The following PDE4D variants were observed in gnomAD, a reference collection of about 807,000 sequenced individuals.
PDE4D encodes the protein 3',5'-cyclic-AMP phosphodiesterase 4D.
Under a neutral mutation model 87.4 loss-of-function variants are expected in PDE4D, and 24 were observed. That is an observed-to-expected ratio of 0.27 (90% CI 0.20 to 0.39). The LOEUF (loss-of-function observed/expected upper bound fraction) is 0.39, where lower values mean the gene tolerates loss of function less well. Ranked by LOEUF, PDE4D falls within the 10% of genes least tolerant of loss-of-function variation. The pLI, the probability that PDE4D is intolerant of heterozygous loss-of-function variation, is 1.00. For synonymous variants in PDE4D, 384 were observed against 383.2 expected (o/e 1.00, Z -0.02); for missense variants, 714 against 1,041.0 (o/e 0.69, Z 4.32).
intron 6 of PDE4D, among the ~76,000 whole-genome samples, chr5:59,038,076 A>G (rs950130180): frequency 6.6e-6 from 1 of 152,230 alleles, no homozygotes; most frequent in African/African-American, 2.4e-5. Context: ...ATCTCCTTGC[A>G]TAACTAAAGA....
chr5:59,378,494 C>T (rs762332125), intron 1 of PDE4D, among the ~76,000 whole-genome samples: 2 of 152,142 alleles, frequency 1.3e-5, no homozygotes, highest in African/African-American at 2.4e-5. Flanking sequence ...AGTCCTCCAT[C>T]TCCTAGGTTC....
At chr5:59,171,029 G>T (rs572420348) in intron 5 of PDE4D, among the ~76,000 whole-genome samples, 1 of 151,860 alleles carries the variant, frequency 6.6e-6, no homozygotes, top group South Asian at 2.1e-4. Context: ...TTACAAGCAC[G>T]TGCCACCACG....
intron 1 of PDE4D, among the ~76,000 whole-genome samples, chr5:59,366,285 T>C (rs568622079): frequency 2.0e-5 from 3 of 152,310 alleles, no homozygotes; most frequent in Admixed American, 6.5e-5. Flanking sequence ...TTTTGAAGGG[T>C]GGACTTTGTA....
rs553072372 is a variant in PDE4D, at chr5:59,638,149, GA to G, written c.455+255018del. ...TGACAAAGAAAGTAAAGTGATTTGA[GA>G]AGGGATTAGGTCTAATCAGTTGGGT... On this transcript the variant is annotated intron_variant, in intron 1 of 14. Coordinates refer to ENST00000340635, the MANE Select transcript of PDE4D (RefSeq NM_001104631.2). Among the ~76,000 whole-genome samples the G allele has an allele frequency of 3.3e-5, 5 of 152,296 alleles. No homozygotes were observed. In the East Asian group the frequency reaches 9.7e-4, roughly 29 times the overall value.
At chr5:60,449,638 T>TAAA (rs1301315895) in intron 1 of PDE4D, among the ~76,000 whole-genome samples, 5 of 150,296 alleles carry the variant, frequency 3.3e-5, no homozygotes, top group African/African-American at 9.8e-5. Flanking sequence ...AAACTTAAAG[T>TAAA]ATAATAATAA....
intron 1 of PDE4D, among the ~76,000 whole-genome samples, chr5:59,375,736 A>C (rs989100740): frequency 1.1e-4 from 16 of 152,178 alleles, no homozygotes; most frequent in Non-Finnish European, 2.2e-4. Flanking sequence ...ATATAACAAA[A>C]ATTTAAAACT....
rs567067176 is a variant in PDE4D, at chr5:59,146,343, C to T, written c.808+34252G>A. On this transcript the variant is annotated intron_variant, in intron 5 of 14. Coordinates refer to ENST00000340635, the MANE Select transcript of PDE4D (RefSeq NM_001104631.2). Reference sequence around the variant, plus strand: ...CTTGTATATGCATAAGATTTGTTTACATAATACACAAGAAGCTGTTAATAA... The same window carrying T: ...CTTGTATATGCATAAGATTTGTTTATATAATACACAAGAAGCTGTTAATAA... Among the ~76,000 whole-genome samples, 3 of 152,210 alleles carry T rather than the reference C, an allele frequency of 2.0e-5. No individual in the cohort carries two copies. The East Asian group carries it at 5.8e-4, about 29-fold the overall frequency.
In PDE4D at chr5:59,749,786, G is replaced by A. The variant is rs761689184; in HGVS notation, c.455+143382C>T. Among the ~76,000 whole-genome samples, 159 of 152,152 alleles carry A rather than the reference G, an allele frequency of 1.0e-3. 1 individual carries two copies. The highest frequency in any genetic ancestry group is 0.01 in the Middle Eastern group (3 of 294). ...AATAACTCTCAAGTGTTCATCTCAA[G>A]TGCTAATCTGTGCTCCAAACTTCAG... On this transcript the variant is annotated intron_variant, in intron 1 of 14. Transcript: ENST00000340635.
intron 1 of PDE4D, among the ~76,000 whole-genome samples, chr5:59,609,883 G>T (rs1326421795): frequency 6.6e-6 from 1 of 152,090 alleles, no homozygotes; most frequent in African/African-American, 2.4e-5. Context: ...ATCATATCCC[G>T]GAAATACAAA....
chr5:59,870,894 G>A (rs1451194537), intron 1 of PDE4D, among the ~76,000 whole-genome samples: 1 of 152,144 alleles, frequency 6.6e-6, no homozygotes, highest in East Asian at 1.9e-4. Flanking sequence ...AAGTAAGAAG[G>A]CATGGGATGT....
chr5:60,512,618 A>G (rs1489581544), intron 1 of PDE4D, among the ~76,000 whole-genome samples: 1 of 152,248 alleles, frequency 6.6e-6, no homozygotes, highest in African/African-American at 2.4e-5. Flanking sequence ...AAAACAATGA[A>G]ACATCTTCAA....
In PDE4D at chr5:60,033,697, T is replaced by C. The variant is rs569961250; in HGVS notation, c.43-44980A>G. Among the ~76,000 whole-genome samples the C allele has an allele frequency of 2.6e-5, 4 of 152,300 alleles. No homozygotes were observed. In the East Asian group the frequency reaches 5.8e-4, roughly 22 times the overall value. ...TTTAGAGATTCTACCCATTAGGATG[T>C]TGAAAAGCAGTGTGGGGTTTTTGAA... On this transcript the variant is annotated intron_variant, in intron 2 of 16. Coordinates refer to the PDE4D transcript ENST00000502484.
At chr5:59,758,636 A>G (rs139159917) in intron 1 of PDE4D, among the ~76,000 whole-genome samples, 2 of 152,262 alleles carry the variant, frequency 1.3e-5, no homozygotes, top group African/African-American at 4.8e-5. Flanking sequence ...ACATTTCCCT[A>G]TCTGTTACCT....
chr5:60,520,907 C>T (rs1237359511), intron 1 of PDE4D: 1 of 152,492 alleles, frequency 6.6e-6, no homozygotes, highest in African/African-American at 2.4e-5. Flanking sequence ...CAGCCAGAGT[C>T]TCTGTGGGCC....
intron 1 of PDE4D, among the ~76,000 whole-genome samples, chr5:60,253,087 C>T (rs1484768393): frequency 6.6e-6 from 1 of 151,800 alleles, no homozygotes; most frequent in Non-Finnish European, 1.5e-5. Flanking sequence ...GACCAAAGAA[C>T]ATCAGTACCC....
chr5:59,542,044 C>A (rs554044826), intron 1 of PDE4D, among the ~76,000 whole-genome samples: 1 of 152,116 alleles, frequency 6.6e-6, no homozygotes, highest in African/African-American at 2.4e-5. Flanking sequence ...TCTCCTGTAA[C>A]CCCAAATAGC....
chr5:60,391,941 A>G (rs1025735442), intron 1 of PDE4D, among the ~76,000 whole-genome samples: 3 of 152,060 alleles, frequency 2.0e-5, no homozygotes, highest in African/African-American at 7.2e-5. Flanking sequence ...ACTTCCCTGG[A>G]TTGAAAGGCA....
chr5:59,228,261 G>A (rs1366180527), intron 1 of PDE4D, among the ~76,000 whole-genome samples: 2 of 152,086 alleles, frequency 1.3e-5, no homozygotes, highest in Non-Finnish European at 2.9e-5. Context: ...TGAGGATGGA[G>A]GGTGGGAGGA....
intron 1 of PDE4D, among the ~76,000 whole-genome samples, chr5:60,266,932 GA>G (rs1444762207): frequency 6.6e-6 from 1 of 152,180 alleles, no homozygotes; most frequent in Non-Finnish European, 1.5e-5. Flanking sequence ...GAGGAGTGAA[GA>G]AAAGTGCACG....
Sources: allele counts gnomAD v4.1 joint callset (sites outside exome capture counted in the v4.1 genomes callset), GRCh38; gene constraint gnomAD v4.1.1; transcripts MANE v1.5; gene names NCBI Gene and HGNC (gene_info 2026-07-23, HGNC 2026-07-21).